ATAD2B: variants seen among roughly 807,000 people sequenced by gnomAD.
ATAD2B encodes the protein ATPase family AAA domain-containing protein 2B.
A neutral mutation model predicts 167.6 loss-of-function variants in ATAD2B; 40 were observed. The observed-to-expected ratio is 0.24, with a 90% CI of 0.19 to 0.31. The LOEUF (loss-of-function observed/expected upper bound fraction) is 0.31. Among genes scored for constraint, ATAD2B ranks in the 10% least tolerant of loss-of-function variants. The probability of loss-of-function intolerance (pLI) is 1.00; values close to 1 mark genes in which losing one functional copy is unlikely to be tolerated. For synonymous variants in ATAD2B, 579 were observed against 596.5 expected, an observed-to-expected ratio of 0.97 and a Z score of 0.43; for missense variants, 1,242 against 1,757.2, an observed-to-expected ratio of 0.71 and a Z score of 5.24.
rs181865928 is a variant in ATAD2B, at chr2:23,902,855, A to G, written c.217-6885T>C. Among the ~76,000 whole-genome samples, 9 of 152,268 alleles carry G rather than the reference A, an allele frequency of 5.9e-5. No homozygotes were observed. In the East Asian group the frequency reaches 1.7e-3, roughly 29 times the overall value. ...CCCAGGCGGTAGGATCCTTGTGGCC[A>G]GGAGTTTGAAACCAGTCTGAGTAAC... On this transcript the variant is annotated intron_variant, in intron 1 of 27. Coordinates refer to ENST00000238789, the MANE Select transcript of ATAD2B (RefSeq NM_017552.4).
the ATAD2B span, chr2:23,689,525 T>C: frequency 6.6e-6 from 1 of 152,402 alleles, no homozygotes; most frequent in Admixed American, 6.5e-5. Context: ...TGCGTGTGCA[T>C]GTGCTCGCAC....
the ATAD2B span, among the ~76,000 whole-genome samples, chr2:23,726,612 T>C: frequency 6.6e-6 from 1 of 152,170 alleles, no homozygotes; most frequent in African/African-American, 2.4e-5. Flanking sequence ...TGGAACTGCA[T>C]GATTCAAACC....
At chr2:23,730,458 A>C in the ATAD2B span, among the ~76,000 whole-genome samples, 1 of 151,914 alleles carries the variant, frequency 6.6e-6, no homozygotes, top group South Asian at 2.1e-4. Context: ...CAAGGTCAGG[A>C]GATCGAGACC....
intron 22 of ATAD2B, among the ~76,000 whole-genome samples, chr2:23,772,607 C>T (rs193059787): frequency 6.6e-6 from 1 of 152,000 alleles, no homozygotes; most frequent in East Asian, 1.9e-4. Context: ...CCAACACTAC[C>T]CTAAATTAAG....
intron 6 of ATAD2B, among the ~76,000 whole-genome samples, chr2:23,883,890 T>C (rs1451900047): frequency 2.0e-5 from 3 of 152,180 alleles, no homozygotes; most frequent in Non-Finnish European, 4.4e-5. Flanking sequence ...ACGCCTGTAA[T>C]GCTAGCACTT....
At chr2:23,876,021 G>T in intron 7 of ATAD2B, 117 bp from the exon 8 acceptor site, 1 of 769,250 alleles carries the variant, frequency 1.3e-6, no homozygotes, top group Admixed American at 2.5e-5. Context: ...TTGAGACAGA[G>T]TCTTGCTCTA....
chr2:23,752,146 T>C, intron 27 of ATAD2B, 59 bp from the exon 28 acceptor site: 1 of 1,235,790 alleles, frequency 8.1e-7, no homozygotes, highest in East Asian at 2.5e-5. Context: ...GTGTTCCTCA[T>C]TACGGAAGAA....
intron 22 of ATAD2B, among the ~76,000 whole-genome samples, chr2:23,775,415 T>C (rs1021917126): frequency 6.6e-6 from 1 of 152,050 alleles, no homozygotes; most frequent in Non-Finnish European, 1.5e-5. Context: ...GGTTTCACCA[T>C]GTTAGCCAGG....
At chr2:23,813,736 C>T (rs903668972) in intron 17 of ATAD2B, among the ~76,000 whole-genome samples, 10 of 151,642 alleles carry the variant, frequency 6.6e-5, no homozygotes, top group Non-Finnish European at 1.5e-5. Context: ...CAGAATGAGA[C>T]CTTGTCTCAA....
chr2:23,819,902 TG>T lies in ATAD2B; in HGVS notation c.2132-21del. ...CTATATCTGTTTAAAAAAATCACAA[TG>T]GTTATGGGGCTTATAAAGTCATTTA... On this transcript the variant is annotated intron_variant, in intron 16 of 27. Transcript: ENST00000238789. 1 of 1,549,580 alleles carries T rather than the reference TG, an allele frequency of 6.5e-7. No homozygotes were observed. The highest frequency in any genetic ancestry group is 8.8e-7 in the Non-Finnish European group (1 of 1,132,026).
chr2:23,750,813 T>C lies in ATAD2B; in HGVS notation c.*1233A>G, dbSNP rs1675267110. 6.6e-6 allele frequency: 1 copy of C among 152,126 alleles called. No homozygotes were observed. Among genetic ancestry groups the C allele is most frequent in the Non-Finnish European group, 1.5e-5 (1 of 67,996 alleles). 9.4% of individuals were successfully genotyped at this position (152,126 alleles called of 1,614,324 possible). On this transcript the variant is annotated 3_prime_UTR_variant, in exon 28 of 28. Transcript: ENST00000238789. ...TAACCCATAATTAATTTCAGATACA[T>C]ACAATTCACAGAAATCACTCAACAA... is the stretch of plus-strand genomic sequence containing the variant.
At chr2:23,843,499 T>C (rs951046622) in intron 13 of ATAD2B, among the ~76,000 whole-genome samples, 1 of 152,222 alleles carries the variant, frequency 6.6e-6, no homozygotes, top group Admixed American at 6.5e-5. Context: ...GCTCTCCAAT[T>C]ACGGGCTGTG....
In ATAD2B at chr2:23,757,966, T is replaced by G; in HGVS notation, c.3530A>C (p.Lys1177Thr). The G allele has an allele frequency of 6.2e-7, 1 of 1,613,724 alleles. No homozygotes were observed. The highest frequency in any genetic ancestry group is 1.7e-4 in the Middle Eastern group (1 of 6,058). Residue 1177 changes from lysine (K) to threonine (T), a missense_variant, in exon 25 of 28, where the codon AAA becomes ACA. By Grantham distance (78) the Lys-to-Thr change is moderately conservative. Around this residue, in one of 9 missense-constraint regions of ATAD2B, gnomAD observed 282 missense variants for 346.8 expected, o/e 0.81. Transcript: ENST00000238789. ...ADYENHTEDRKLLENGEFEVS... is the reference protein window; with the variant it reads ...ADYENHTEDRTLLENGEFEVS... ...CTCAAACTCTCCATTCTCTAATAAT[T>G]TCCTGTCCTCCGTATGGTTCTCATA...
chr2:23,827,212 C>T (rs1364808429), intron 15 of ATAD2B, among the ~76,000 whole-genome samples: 1 of 151,738 alleles, frequency 6.6e-6, no homozygotes, highest in African/African-American at 2.4e-5. Flanking sequence ...AGAGTCTGCA[C>T]ACATACTACC....
At chr2:23,864,054 T>C (rs1326164386) in intron 11 of ATAD2B, among the ~76,000 whole-genome samples, 20 of 151,360 alleles carry the variant, frequency 1.3e-4, no homozygotes, top group Admixed American at 2.6e-4. Context: ...GAATCCTCAC[T>C]GTCACCCAGG....
the ATAD2B span, among the ~76,000 whole-genome samples, chr2:23,735,039 A>T: frequency 4.1e-4 from 63 of 152,316 alleles, no homozygotes; most frequent in African/African-American, 1.5e-3. Flanking sequence ...TATTACTGCC[A>T]AATTAATATT....
the ATAD2B span, among the ~76,000 whole-genome samples, chr2:23,701,901 A>G: frequency 6.8e-6 from 1 of 146,998 alleles, no homozygotes; most frequent in African/African-American, 2.5e-5. Flanking sequence ...CCCAGGTTCA[A>G]GCAGTTCTTC....
chr2:23,916,901 T>C (rs536534354), intron 1 of ATAD2B, among the ~76,000 whole-genome samples: 2 of 152,322 alleles, frequency 1.3e-5, no homozygotes, highest in East Asian at 1.9e-4. Flanking sequence ...TATTTTTTTA[T>C]GGCATGTATT....
chr2:23,696,364 T>A, the ATAD2B span: 1 of 1,551,512 alleles, frequency 6.4e-7, no homozygotes, highest in Non-Finnish European at 8.7e-7. This position sits in a 1 kb window ranked among gnomAD's most constrained non-coding sequence, Gnocchi z 5.5. Flanking sequence ...CGCTGGCTGA[T>A]GTCTGGTGCT....
Sources: allele counts gnomAD v4.1 joint callset (sites outside exome capture counted in the v4.1 genomes callset), GRCh38; gene constraint gnomAD v4.1.1; regional missense constraint gnomAD v4.1.1; non-coding constraint Gnocchi (gnomAD v3.1); transcripts MANE v1.5; gene names NCBI Gene and HGNC (gene_info 2026-07-23, HGNC 2026-07-21).